Variants in SLC8A1 observed in about 807,000 individuals in gnomAD.
The protein encoded by SLC8A1 is solute carrier family 8 member A1.
In SLC8A1, 18 loss-of-function variants were observed where a neutral mutation model predicts 68.3. The ratio of observed to expected loss-of-function variants is 0.26; its 90% CI spans 0.18 to 0.39. The LOEUF is 0.39. Ranked by LOEUF, SLC8A1 falls within the 10% of genes least tolerant of loss-of-function variation. The pLI, the probability that SLC8A1 is intolerant of heterozygous loss-of-function variation, is 1.00. For synonymous variants in SLC8A1, 475 were observed against 415.5 expected (o/e 1.14, Z -1.74); for missense variants, 985 against 1,156.7 (o/e 0.85, Z 2.15).
intron 2 of SLC8A1, among the ~76,000 whole-genome samples, chr2:40,312,943 GAAAT>G (rs888603986): frequency 5.9e-5 from 9 of 151,938 alleles, no homozygotes; most frequent in African/African-American, 1.9e-4. Context: ...AATGGGTTTT[GAAAT>G]ACATACACAC....
intron 2 of SLC8A1, among the ~76,000 whole-genome samples, chr2:40,261,529 T>C (rs1411635953): frequency 2.6e-5 from 4 of 152,218 alleles, no homozygotes; most frequent in Non-Finnish European, 4.4e-5. Flanking sequence ...AGGTCTTTCT[T>C]GGCTGATTTG....
chr2:40,507,347 A>T (rs1296353890), intron 1 of SLC8A1, among the ~76,000 whole-genome samples: 1 of 151,978 alleles, frequency 6.6e-6, no homozygotes, highest in African/African-American at 2.4e-5. Context: ...CAAAATAATA[A>T]TTTAACTCTG....
At chr2:40,361,066 G>A (rs921242790) in intron 2 of SLC8A1, among the ~76,000 whole-genome samples, 2 of 152,134 alleles carry the variant, frequency 1.3e-5, no homozygotes, top group African/African-American at 4.8e-5. Context: ...GGTGACATCA[G>A]ATAGAGTAGA....
At chr2:40,357,167 G>GA (rs1326664638) in intron 2 of SLC8A1, among the ~76,000 whole-genome samples, 1 of 151,990 alleles carries the variant, frequency 6.6e-6, no homozygotes, top group East Asian at 1.9e-4. Context: ...ACATACCATG[G>GA]AAAAAACATT....
At chr2:40,354,346 A>G (rs1002369909) in intron 2 of SLC8A1, among the ~76,000 whole-genome samples, 1 of 150,828 alleles carries the variant, frequency 6.6e-6, no homozygotes, top group African/African-American at 2.4e-5. Context: ...ATTTGGCAGA[A>G]GGCATTTTGT....
intron 6 of SLC8A1, among the ~76,000 whole-genome samples, chr2:40,157,431 C>T (rs1486140485): frequency 6.6e-6 from 1 of 152,048 alleles, no homozygotes; most frequent in East Asian, 1.9e-4. Context: ...CCAAAGCCAG[C>T]CTTGCAATCA....
At chr2:40,444,408 C>A (rs1701060553) in intron 1 of SLC8A1, among the ~76,000 whole-genome samples, 1 of 152,104 alleles carries the variant, frequency 6.6e-6, no homozygotes, top group Non-Finnish European at 1.5e-5. Context: ...AACTTGGGGC[C>A]TGATAACTGA....
chr2:40,211,891 C>A (rs1027512747), intron 2 of SLC8A1, among the ~76,000 whole-genome samples: 1 of 152,116 alleles, frequency 6.6e-6, no homozygotes, highest in Non-Finnish European at 1.5e-5. Flanking sequence ...GTGTCTGTCA[C>A]ACACTAAAAA....
At chr2:40,393,482 T>C (rs1439917270) in intron 2 of SLC8A1, among the ~76,000 whole-genome samples, 1 of 152,182 alleles carries the variant, frequency 6.6e-6, no homozygotes, top group African/African-American at 2.4e-5. Context: ...CTTAGTTCAC[T>C]GTTTCTTTAA....
chr2:40,259,209 C>A (rs751176619), intron 2 of SLC8A1, among the ~76,000 whole-genome samples: 5 of 152,094 alleles, frequency 3.3e-5, no homozygotes, highest in Admixed American at 6.6e-5. Flanking sequence ...TGTGATATTC[C>A]TAGCTGATGT....
chr2:40,228,798 A>G (rs149314084), intron 2 of SLC8A1, among the ~76,000 whole-genome samples: 1 of 152,264 alleles, frequency 6.6e-6, no homozygotes, highest in African/African-American at 2.4e-5. Flanking sequence ...TTGATCACCA[A>G]TCCAAGGTGA....
At chr2:40,233,149 T>C (rs1283391335) in intron 2 of SLC8A1, among the ~76,000 whole-genome samples, 1 of 152,120 alleles carries the variant, frequency 6.6e-6, no homozygotes, top group Non-Finnish European at 1.5e-5. Flanking sequence ...GTGTTTCCAG[T>C]TCTAGATCCC....
intron 2 of SLC8A1, among the ~76,000 whole-genome samples, chr2:40,392,876 C>G (rs1390882849): frequency 6.6e-6 from 1 of 152,064 alleles, no homozygotes; most frequent in African/African-American, 2.4e-5. Flanking sequence ...TTACTCACTT[C>G]ACTTCTTCTT....
At chr2:40,306,480 A>G (rs1338062995) in intron 2 of SLC8A1, among the ~76,000 whole-genome samples, 1 of 152,116 alleles carries the variant, frequency 6.6e-6, no homozygotes, top group Non-Finnish European at 1.5e-5. Context: ...GGAATATTTC[A>G]GTGCAAACTT....
At chr2:40,445,659 G>C (rs1313333676) in intron 1 of SLC8A1, among the ~76,000 whole-genome samples, 1 of 152,190 alleles carries the variant, frequency 6.6e-6, no homozygotes, top group Non-Finnish European at 1.5e-5. Flanking sequence ...CAGAAGGACT[G>C]ATAAAGAGAA....
rs755282688 is a variant in SLC8A1 at position 40,164,932 on chromosome 2, G to A, written c.1983C>T (p.Arg661=). The A allele has an allele frequency of 3.1e-6, 5 of 1,613,878 alleles. No homozygotes were observed. The East Asian group carries it at 1.1e-4, about 36-fold the overall frequency. Reference sequence around the variant, plus strand: ...GGATGGGGCGCCCCATTTCTGCAATGCGCCTCTCCTCTTCCTCTTTGCTGG... The same window carrying A: ...GGATGGGGCGCCCCATTTCTGCAATACGCCTCTCCTCTTCCTCTTTGCTGG... Residue 661 remains arginine, a synonymous_variant, in exon 5 of 8, where the codon CGC becomes CGT. Transcript: ENST00000406785.
chr2:40,288,718 A>T (rs1161904675), intron 2 of SLC8A1, among the ~76,000 whole-genome samples: 1 of 151,950 alleles, frequency 6.6e-6, no homozygotes, highest in East Asian at 1.9e-4. Flanking sequence ...TTCCTTGGGG[A>T]TGGATGTTTG....
intron 1 of SLC8A1, among the ~76,000 whole-genome samples, chr2:40,506,013 C>T (rs1278912395): frequency 6.6e-6 from 1 of 151,878 alleles, no homozygotes; most frequent in Non-Finnish European, 1.5e-5. Flanking sequence ...GCTCAGATTA[C>T]CTTCTGCAGA....
rs891378773 is a variant in SLC8A1 at position 40,376,465 on chromosome 2, T to C, written c.1808+52008A>G. Among the ~76,000 whole-genome samples the C allele has an allele frequency of 6.6e-5, 10 of 152,076 alleles. No homozygotes were observed. The East Asian group carries it at 9.7e-4, about 15-fold the overall frequency. The stretch of plus-strand genomic sequence containing the variant: ...CATTTGTTTACAAACAGGCACAAAA[T>C]AGACATTGTAAATCTGAGGAGGTCT... On this transcript the variant is annotated intron_variant, in intron 2 of 7. Coordinates refer to ENST00000406785, the Ensembl canonical transcript of SLC8A1.
Sources: gnomAD v4.1 joint callset for allele counts (sites outside exome capture counted in the v4.1 genomes callset) on GRCh38, gnomAD v4.1.1 for gene constraint, MANE v1.5 for transcripts, NCBI Gene and HGNC (gene_info 2026-07-23, HGNC 2026-07-21) for gene names.